Variants in WARS2 observed in about 807,000 individuals in gnomAD.
The protein encoded by WARS2 is tryptophanyl tRNA synthetase 2, mitochondrial, also known as tryptophan--tRNA ligase, mitochondrial.
In WARS2, 28 loss-of-function variants were observed where a neutral mutation model predicts 36.5. The ratio of observed to expected loss-of-function variants is 0.77; its 90% CI spans 0.57 to 1.05. The LOEUF is 1.05. Ranked by LOEUF, WARS2 falls within the 50% of genes least tolerant of loss-of-function variation. WARS2 has a pLI of 0.00. For synonymous variants in WARS2, 174 were observed against 178.4 expected, an observed-to-expected ratio of 0.98 and a Z score of 0.20; for missense variants, 435 against 456.8, an observed-to-expected ratio of 0.95 and a Z score of 0.44.
chr1:119,135,759 T>G lies in WARS2; in HGVS notation c.90+4796A>C, dbSNP rs74318688. On this transcript the variant is annotated intron_variant, in intron 1 of 5. Coordinates refer to ENST00000235521, the MANE Select transcript of WARS2 (RefSeq NM_015836.4). The stretch of plus-strand genomic sequence containing the variant: ...ATAGATAGATAGATAGATAGAGAGA[T>G]AGAGAGAGAGAGAGAGATGGGTTTT... Among the ~76,000 whole-genome samples the G allele has an allele frequency of 4.3e-3, 626 of 146,358 alleles. 5 individuals are homozygous for G. Among genetic ancestry groups the G allele is most frequent in the African/African-American group, 4.8e-3 (186 of 38,876 alleles).
intron 4 of WARS2, among the ~76,000 whole-genome samples, chr1:119,035,302 G>A (rs17185989): frequency 0.092 from 14,068 of 152,128 alleles, 916 homozygotes; most frequent in Non-Finnish European, 0.13. Flanking sequence ...ACAGTGCGCT[G>A]AGGTTTTTTT....
chr1:119,078,146 T>C (rs1651887669), intron 1 of WARS2, among the ~76,000 whole-genome samples: 1 of 152,218 alleles, frequency 6.6e-6, no homozygotes, highest in Non-Finnish European at 1.5e-5. Flanking sequence ...CAGATATCAC[T>C]GACTTCAAAG....
chr1:119,066,856 T>C (rs1013586387), intron 2 of WARS2, among the ~76,000 whole-genome samples: 8 of 152,144 alleles, frequency 5.3e-5, no homozygotes, highest in Non-Finnish European at 1.2e-4. Flanking sequence ...GATGTATATA[T>C]CATATATCCT....
At chr1:119,113,641 T>A (rs1654789234) in intron 1 of WARS2, among the ~76,000 whole-genome samples, 1 of 152,160 alleles carries the variant, frequency 6.6e-6, no homozygotes, top group South Asian at 2.1e-4. Flanking sequence ...GTCACCATCA[T>A]GAGGCCAGGC....
Position 119,056,692 on chromosome 1 carries a change from C to T in WARS2, c.349-11030G>A, listed in dbSNP as rs535807849. On this transcript the variant is annotated intron_variant, in intron 2 of 5. Transcript: ENST00000235521. ...CAAGATACAGAAAATTTTGATTCTC[C>T]CAAAAGAAGTTCTCTCATGTCCCTT... Among the ~76,000 whole-genome samples the T allele has an allele frequency of 3.8e-4, 58 of 151,750 alleles. No individual in the cohort carries two copies. The South Asian group carries it at 0.012, about 30-fold the overall frequency.
chr1:119,096,312 C>T (rs982369336), intron 1 of WARS2, among the ~76,000 whole-genome samples: 1 of 152,100 alleles, frequency 6.6e-6, no homozygotes, highest in Non-Finnish European at 1.5e-5. Context: ...TTGTAGTAAT[C>T]AATTGTAAAT....
At chr1:119,106,345 G>C (rs1210400035) in intron 1 of WARS2, among the ~76,000 whole-genome samples, 2 of 151,958 alleles carry the variant, frequency 1.3e-5, no homozygotes, top group Non-Finnish European at 2.9e-5. Context: ...TTTACACTAG[G>C]GTCTTCCCTT....
At chr1:119,047,579 T>G (rs1648967256) in intron 2 of WARS2, 2 of 152,178 alleles carry the variant, frequency 1.3e-5, no homozygotes, top group South Asian at 4.1e-4. Context: ...AAAAAGTAGG[T>G]AAAAGGTCAA....
intron 1 of WARS2, among the ~76,000 whole-genome samples, chr1:119,112,036 C>T (rs1415356261): frequency 6.6e-6 from 1 of 152,052 alleles, no homozygotes; most frequent in Non-Finnish European, 1.5e-5. Flanking sequence ...GATTCTCCTA[C>T]CTCAGCCTCC....
At chr1:119,099,551 TTGGTCTTACTAA>T (rs1653709938) in intron 1 of WARS2, among the ~76,000 whole-genome samples, 1 of 152,206 alleles carries the variant, frequency 6.6e-6, no homozygotes, top group Non-Finnish European at 1.5e-5. Context: ...GGAAAACGCT[TTGGTCTTACTAA>T]TGTCTTCAGC....
At chr1:119,104,908 A>G (rs982677735) in intron 1 of WARS2, among the ~76,000 whole-genome samples, 1 of 152,122 alleles carries the variant, frequency 6.6e-6, no homozygotes, top group African/African-American at 2.4e-5. Flanking sequence ...CTTGTATGCT[A>G]TGACAAGGAG....
chr1:119,042,298 G>C lies in WARS2; in HGVS notation c.481C>G (p.Pro161Ala). 6.2e-7 allele frequency: 1 copy of C among 1,613,758 alleles called. No individual in the cohort carries two copies. The highest frequency in any genetic ancestry group is 8.5e-7 in the Non-Finnish European group (1 of 1,179,898). Residue 161 changes from proline (P) to alanine (A), a missense_variant, in exon 4 of 6, where the codon CCA becomes GCA. Transcript: ENST00000235521. ...HDGTVGLLTYPVLQAADILLY... is the reference protein window; with the variant it reads ...HDGTVGLLTYAVLQAADILLY... ...AGAATGTCGGCTGCCTGGAGTACTG[G>C]GTATGTGAGCAGGCCCACCGTGCCA...
At chr1:119,091,769 C>T (rs943361126) in intron 1 of WARS2, among the ~76,000 whole-genome samples, 1 of 152,182 alleles carries the variant, frequency 6.6e-6, no homozygotes, top group African/African-American at 2.4e-5. Flanking sequence ...GAAGGAATCA[C>T]TGCTGACATG....
At chr1:119,140,446 G>T in intron 1 of WARS2, 109 bp downstream of exon 1, 1 of 975,792 alleles carries the variant, frequency 1.0e-6, no homozygotes, top group Non-Finnish European at 1.5e-6. Flanking sequence ...GCGAGGGAAG[G>T]CATGTACTTT....
At position 119,032,600 on chromosome 1, in the gene WARS2, T is replaced by C. The variant is rs932456745; in HGVS notation, c.*311A>G. 3 of 353,354 alleles carry C rather than the reference T, an allele frequency of 8.5e-6. No homozygotes were observed. Among genetic ancestry groups the C allele is most frequent in the Non-Finnish European group, 1.5e-5 (3 of 194,012 alleles). 21.9% of individuals were successfully genotyped at this position (353,354 alleles called of 1,614,324 possible). On this transcript the variant is annotated 3_prime_UTR_variant, in exon 6 of 6. Coordinates refer to ENST00000235521, the MANE Select transcript of WARS2 (RefSeq NM_015836.4). ...AGAGAGAAGCACAAATGATACTCCA[T>C]TTCCCAAATTACTCCTTACTTCAAT...
intron 1 of WARS2, among the ~76,000 whole-genome samples, chr1:119,116,713 C>T (rs1571382521): frequency 6.6e-6 from 1 of 152,128 alleles, no homozygotes; most frequent in Non-Finnish European, 1.5e-5. Flanking sequence ...CAGAAAGAGC[C>T]CTGTAAGCAT....
chr1:119,126,763 C>A, intron 1 of WARS2: 1 of 737,966 alleles, frequency 1.4e-6, no homozygotes, highest in Admixed American at 1.7e-5. Context: ...CCAATACTGT[C>A]TGGAATCAAC....
rs1037016833 is a variant in WARS2 at position 119,032,292 on chromosome 1, C to T, written c.*619G>A. The T allele has an allele frequency of 2.0e-5, 3 of 152,200 alleles. No homozygotes were observed. The highest frequency in any genetic ancestry group is 4.4e-5 in the Non-Finnish European group (3 of 68,090). 9.4% of individuals were successfully genotyped at this position (152,200 alleles called of 1,614,324 possible). ...AAATCAGGTCAAAATAATGCAACCT[C>T]CTTAGAAGATCATATCCCATATCTC... On this transcript the variant is annotated 3_prime_UTR_variant, in exon 6 of 6. Coordinates refer to ENST00000235521, the MANE Select transcript of WARS2 (RefSeq NM_015836.4).
intron 1 of WARS2, among the ~76,000 whole-genome samples, chr1:119,139,229 G>A (rs1404389688): frequency 6.6e-6 from 1 of 152,132 alleles, no homozygotes; most frequent in Non-Finnish European, 1.5e-5. Context: ...CATTGCTGCT[G>A]AAATTTAAGG....
Sources: allele counts gnomAD v4.1 joint callset (sites outside exome capture counted in the v4.1 genomes callset), GRCh38; gene constraint gnomAD v4.1.1; transcripts MANE v1.5; gene names NCBI Gene and HGNC (gene_info 2026-07-23, HGNC 2026-07-21).